Variants in SEC23B observed in about 807,000 individuals in gnomAD.
SEC23B encodes the protein protein transport protein Sec23B.
A neutral mutation model predicts 104.3 loss-of-function variants in SEC23B; 77 were observed. The ratio of observed to expected loss-of-function variants is 0.74; its 90% CI spans 0.61 to 0.89. The LOEUF (loss-of-function observed/expected upper bound fraction) is 0.89, where lower values mean the gene tolerates loss of function less well. SEC23B is among the 40% of genes least tolerant of loss of function. The probability of loss-of-function intolerance (pLI) is 0.00; values close to 1 mark genes in which losing one functional copy is unlikely to be tolerated. For missense variants in SEC23B, 885 were observed against 949.4 expected (o/e 0.93, Z 0.89); for synonymous variants, 338 against 332.5 (o/e 1.02, Z -0.18).
chr20:18,560,247 A>ATACCAGTTCAC (rs2060479575), intron 19 of SEC23B, among the ~76,000 whole-genome samples: 1 of 152,122 alleles, frequency 6.6e-6, no homozygotes, highest in Non-Finnish European at 1.5e-5. Context: ...TTCAGTGGAG[A>ATACCAGTTCAC]TACCAGTTCA....
At chr20:18,518,628 G>A (rs1286374740) in intron 4 of SEC23B, among the ~76,000 whole-genome samples, 1 of 130,662 alleles carries the variant, frequency 7.7e-6, no homozygotes, top group Non-Finnish European at 1.6e-5. Context: ...TCTGCCTTGA[G>A]TGGAGAGGGA....
chr20:18,545,260 G>T (rs1430079279), intron 14 of SEC23B, among the ~76,000 whole-genome samples: 1 of 152,148 alleles, frequency 6.6e-6, no homozygotes, highest in East Asian at 1.9e-4. Flanking sequence ...GGAGGAGGAA[G>T]ACAAAACCAT....
chr20:18,548,243 G>C (rs987133845), intron 15 of SEC23B, among the ~76,000 whole-genome samples: 2 of 146,070 alleles, frequency 1.4e-5, no homozygotes, highest in Non-Finnish European at 3.0e-5. Context: ...GAGCCACCAC[G>C]CCTGGCCAAA....
At chr20:18,553,121 T>C (rs2060404167) in intron 17 of SEC23B, among the ~76,000 whole-genome samples, 1 of 152,246 alleles carries the variant, frequency 6.6e-6, no homozygotes, top group African/African-American at 2.4e-5. Context: ...TTCACTTGTT[T>C]ATTGAGCACC....
At chr20:18,524,743 C>A in intron 5 of SEC23B, 74 bp downstream of exon 5, 1 of 1,349,574 alleles carries the variant, frequency 7.4e-7, no homozygotes, top group Non-Finnish European at 1.1e-6. Context: ...TTTAAAAGAG[C>A]CTGTAGCCCA....
At chr20:18,543,876 A>G (rs143518249) in intron 14 of SEC23B, among the ~76,000 whole-genome samples, 38 of 152,332 alleles carry the variant, frequency 2.5e-4, no homozygotes, top group African/African-American at 9.1e-4. Flanking sequence ...AGCTGTGTAT[A>G]GGAAAATGTC....
chr20:18,543,112 A>G lies in SEC23B; in HGVS notation c.1605A>G (p.Arg535=). ...TGATGGCACGGCTTGGGGTGTTCCG[A>G]GCGGAGTCAGAGGAGGGGCCCGATG... ...AVLMARLGVF[R]AESEEGPDVL... is the part of the protein sequence containing the mutation. Residue 535 remains arginine (R), a synonymous_variant, in exon 14 of 20, where the codon CGA becomes CGG. Coordinates refer to ENST00000650089, the MANE Select transcript of SEC23B (RefSeq NM_006363.6). The G allele has an allele frequency of 6.2e-7, 1 of 1,614,090 alleles. No individual in the cohort carries two copies. The highest frequency in any genetic ancestry group is 1.1e-5 in the South Asian group (1 of 91,076).
At chr20:18,532,850 A>C in intron 11 of SEC23B, 106 bp downstream of exon 11, 1 of 817,622 alleles carries the variant, frequency 1.2e-6, no homozygotes, top group Admixed American at 1.9e-5. Flanking sequence ...ATGTGTCTGC[A>C]GTGACAGGAG....
intron 10 of SEC23B, among the ~76,000 whole-genome samples, chr20:18,531,908 A>AG (rs1260598245): frequency 7.0e-6 from 1 of 143,254 alleles, no homozygotes; most frequent in East Asian, 2.0e-4. Flanking sequence ...AAAAAAAAAA[A>AG]TTAACCTCGT....
chr20:18,534,496 C>T lies in SEC23B; in HGVS notation c.1315-1157C>T, dbSNP rs534713567. 6.6e-5 allele frequency among the ~76,000 whole-genome samples: 10 copies of T among 152,304 alleles called. No homozygotes were observed. The South Asian group carries it at 1.7e-3, about 25-fold the overall frequency. On this transcript the variant is annotated intron_variant, in intron 11 of 19. Coordinates refer to ENST00000650089, the MANE Select transcript of SEC23B (RefSeq NM_006363.6). Reference sequence around the variant, plus strand: ...TTTATGCTTGTGTCACATCCAGAGGCACTATGTCTGCTGTCCCGTGTTACA... The same window carrying T: ...TTTATGCTTGTGTCACATCCAGAGGTACTATGTCTGCTGTCCCGTGTTACA...
chr20:18,540,533 A>AAT (rs1169121698), intron 12 of SEC23B, among the ~76,000 whole-genome samples: 1 of 152,168 alleles, frequency 6.6e-6, no homozygotes, highest in Non-Finnish European at 1.5e-5. Flanking sequence ...GGATACTTGG[A>AAT]ATGGTAAATG....
chr20:18,547,329 T>C (rs142247844), intron 15 of SEC23B, among the ~76,000 whole-genome samples: 1 of 152,270 alleles, frequency 6.6e-6, no homozygotes, highest in Non-Finnish European at 1.5e-5. Context: ...AAGGATTAAA[T>C]AGTTCTTGTC....
At chr20:18,534,359 A>G (rs530897148) in intron 11 of SEC23B, among the ~76,000 whole-genome samples, 1 of 152,218 alleles carries the variant, frequency 6.6e-6, no homozygotes, top group South Asian at 2.1e-4. Context: ...TTTTACCCCA[A>G]CTGGCATTGC....
intron 15 of SEC23B, among the ~76,000 whole-genome samples, chr20:18,546,596 C>G (rs147676270): frequency 9.2e-5 from 14 of 152,304 alleles, no homozygotes; most frequent in Non-Finnish European, 2.1e-4. Context: ...GAGCACAATT[C>G]ATGGGTGTCT....
At chr20:18,534,903 G>C (rs1449425348) in intron 11 of SEC23B, among the ~76,000 whole-genome samples, 1 of 152,154 alleles carries the variant, frequency 6.6e-6, no homozygotes, top group Non-Finnish European at 1.5e-5. Flanking sequence ...AGGCATGAAT[G>C]CTCCTTTGAC....
rs768142306 is a variant in SEC23B at position 18,526,505 on chromosome 20, G to T, written c.967G>T (p.Ala323Ser). The change falls in exon 8 of 20, where the codon GCA (alanine) becomes TCA (serine). Residue 323 changes from alanine (A) to serine (S), a missense_variant. Coordinates refer to ENST00000650089, the MANE Select transcript of SEC23B (RefSeq NM_006363.6). ...TTGGCATGATATTGAGAAAGATAAT[G>T]CACGATTCATGAAAAAGGCAACCAA... The part of the protein sequence containing the change: ...RSWHDIEKDN[A>S]RFMKKATKHY... 3.1e-6 allele frequency: 5 copies of T among 1,614,142 alleles called. No individual in the cohort carries two copies. The highest frequency in any genetic ancestry group is 3.4e-6 in the Non-Finnish European group (4 of 1,180,018).
chr20:18,532,173 T>TTTCTTTTAAAGA (rs1379850717), intron 10 of SEC23B, among the ~76,000 whole-genome samples: 1 of 152,276 alleles, frequency 6.6e-6, no homozygotes, highest in Admixed American at 6.5e-5. Flanking sequence ...GCTTGAGGGT[T>TTTCTTTTAAAGA]TTCTTTTAAA....
chr20:18,551,599 A>G (rs868817450), intron 17 of SEC23B, among the ~76,000 whole-genome samples: 3 of 152,198 alleles, frequency 2.0e-5, no homozygotes, highest in Admixed American at 6.5e-5. Flanking sequence ...CTGTAGTCCC[A>G]TCTACTTGGG....
Position 18,543,178 on chromosome 20 carries a change from T to A in SEC23B, c.1665+6T>A. 6.2e-7 allele frequency: 1 copy of A among 1,614,146 alleles called. No individual in the cohort carries two copies. The highest frequency in any genetic ancestry group is 8.5e-7 in the Non-Finnish European group (1 of 1,180,028). Reference sequence around the variant, plus strand: ...ACCGACAACTCATCCGACTGGTAAATTGGGGACAGTGGCATTAGGTTCAGT... The same window carrying A: ...ACCGACAACTCATCCGACTGGTAAAATGGGGACAGTGGCATTAGGTTCAGT... On this transcript the variant is annotated splice_donor_region_variant and intron_variant, in intron 14 of 19. Coordinates refer to ENST00000650089, the MANE Select transcript of SEC23B (RefSeq NM_006363.6).
Sources: gnomAD v4.1 joint callset for allele counts (sites outside exome capture counted in the v4.1 genomes callset) on GRCh38, gnomAD v4.1.1 for gene constraint, MANE v1.5 for transcripts, NCBI Gene and HGNC (gene_info 2026-07-23, HGNC 2026-07-21) for gene names.